Variants in JSRP1 observed in about 807,000 individuals in gnomAD.
JSRP1 encodes the protein junctional sarcoplasmic reticulum protein 1.
In JSRP1, 29 loss-of-function variants were observed where a neutral mutation model predicts 21.4. The ratio of observed to expected loss-of-function variants is 1.36; its 90% confidence interval spans 1.01 to 1.85. JSRP1 has a LOEUF of 1.85. Ranked by LOEUF, JSRP1 falls within the 40% of genes most tolerant of loss-of-function variation. The pLI, the probability that JSRP1 is intolerant of heterozygous loss-of-function variation, is 0.00. For synonymous variants in JSRP1, 221 were observed against 206.1 expected (o/e 1.07, Z -0.62); for missense variants, 531 against 461.5 (o/e 1.15, Z -1.38).
chr19:2,254,368 C>T (rs2025117496), intron 3 of JSRP1, 67 bp from the exon 4 acceptor site: 4 of 1,604,568 alleles, frequency 2.5e-6, no homozygotes, highest in African/African-American at 1.3e-5. Flanking sequence ...GGGCTTTAGA[C>T]ACCTGCCTCC....
chr19:2,253,918 C>T (rs1568397407), intron 4 of JSRP1, 125 bp from the exon 5 acceptor site: 2 of 1,149,202 alleles, frequency 1.7e-6, no homozygotes, highest in African/African-American at 1.6e-5. Context: ...TGTGCGGCCC[C>T]GGGCGCAGGT....
chr19:2,255,368 C>G, intron 1 of JSRP1, 24 bp from the exon 2 acceptor site: 1 of 1,169,650 alleles, frequency 8.5e-7, no homozygotes, highest in South Asian at 1.4e-5. Flanking sequence ...GGAACAAGGT[C>G]TTGCATTTAC....
chr19:2,254,234 G>C lies in JSRP1; in HGVS notation c.215C>G (p.Ala72Gly). The change falls in exon 4 of 7, where the codon GCC (alanine) becomes GGC (glycine). Residue 72 changes from alanine (A) to glycine (G), a missense_variant. Physicochemically the swap from Ala to Gly is moderately conservative, Grantham distance 60. Transcript: ENST00000300961. ...CTTCCCCGTTCCTGGGGTCCCCCTGGCGGCAGGCTCTTTTTCCATCTTCTT... is the reference window on the plus strand; with the variant it reads ...CTTCCCCGTTCCTGGGGTCCCCCTGCCGGCAGGCTCTTTTTCCATCTTCTT... The part of the protein sequence containing the change: ...RPKKMEKEPA[A>G]RGTPGTGKER... 1 of 1,606,024 alleles carries C rather than the reference G, an allele frequency of 6.2e-7. No individual in the cohort carries two copies. The highest frequency in any genetic ancestry group is 8.5e-7 in the Non-Finnish European group (1 of 1,176,550).
At chr19:2,255,140 G>A in intron 2 of JSRP1, 66 bp downstream of exon 2, 1 of 1,086,444 alleles carries the variant, frequency 9.2e-7, no homozygotes, top group African/African-American at 1.6e-5. Context: ...AGTCTCTGAA[G>A]ATGGGCCTCC....
chr19:2,252,427 G>A lies in JSRP1; in HGVS notation c.898C>T (p.Pro300Ser). Residue 300 changes from proline to serine, a missense_variant, in exon 7 of 7, where the codon CCC becomes TCC. Pro to Ser is a moderately conservative substitution (Grantham distance 74, BLOSUM62 -1). Coordinates refer to ENST00000300961, the MANE Select transcript of JSRP1 (RefSeq NM_144616.4). ...GACACCCAGGCCTGCTTCTTCCTGG[G>A]CTCGGCGTCCCTGGAGTCCCGTGCC... ...PWARDSRDAE[P>S]RKKQAWVSPR... 6.2e-7 allele frequency: 1 copy of A among 1,609,604 alleles called. No homozygotes were observed. The highest frequency in any genetic ancestry group is 8.5e-7 in the Non-Finnish European group (1 of 1,179,354).
In JSRP1 at chr19:2,253,778, G is replaced by A. The variant is rs569666561; in HGVS notation, c.278C>T (p.Pro93Leu). 171 of 1,419,340 alleles carry A rather than the reference G, an allele frequency of 1.2e-4. No individual in the cohort carries two copies. The African/African-American group carries it at 1.9e-3, about 16-fold the overall frequency. 87.9% of individuals were successfully genotyped at this position (1,419,340 alleles called of 1,614,324 possible). The change falls in exon 5 of 7, where the codon CCC becomes CTC. Residue 93 changes from proline to leucine, a missense_variant. Coordinates refer to ENST00000300961, the MANE Select transcript of JSRP1 (RefSeq NM_144616.4). ...LKAGASPRSV[P>L]ARKKAQTAPP... ...CGCGGTCTGCGCCTTCTTGCGCGCG[G>A]GGACGCTCCGAGGGCCTGCGGGGGC...
chr19:2,253,164 C>T (rs983632201), intron 5 of JSRP1, among the ~76,000 whole-genome samples, 161 bp from the exon 6 acceptor site: 6 of 152,320 alleles, frequency 3.9e-5, no homozygotes, highest in African/African-American at 1.4e-4. Flanking sequence ...GAAGGGACTC[C>T]GGGACTCCGC....
chr19:2,252,667 C>G lies in JSRP1; in HGVS notation c.658G>C (p.Gly220Arg). ...ACACGGTCCTCCCGGACGGCCTCTC[C>G]GGTGGCCTCGCCGGGCTCCTCTTCG... ...NDEEEPGEAT[G>R]EAVREDRVTL... Residue 220 changes from glycine to arginine, a missense_variant, in exon 7 of 7, where the codon GGA becomes CGA. By Grantham distance (125) the Gly-to-Arg change is moderately radical. Coordinates refer to ENST00000300961, the MANE Select transcript of JSRP1 (RefSeq NM_144616.4). 1.2e-6 allele frequency: 2 copies of G among 1,612,148 alleles called. No individual in the cohort carries two copies. Among genetic ancestry groups the G allele is most frequent in the Non-Finnish European group, 1.7e-6 (2 of 1,179,934 alleles).
intron 1 of JSRP1, 95 bp from the exon 2 acceptor site, chr19:2,255,439 C>T (rs993016639): frequency 3.5e-6 from 2 of 571,618 alleles, no homozygotes; most frequent in Non-Finnish European, 6.2e-6. Context: ...ACTAACAGGC[C>T]CCGTCCTCCC....
chr19:2,254,243 T>C lies in JSRP1; in HGVS notation c.206A>G (p.Glu69Gly), dbSNP rs2025114490. The change falls in exon 4 of 7, where the codon GAG becomes GGG. Residue 69 changes from glutamate to glycine, a missense_variant. Transcript: ENST00000300961. ...VDTRPKKMEK[E>G]PAARGTPGTG... is the part of the protein sequence containing the mutation. ...TCCTGGGGTCCCCCTGGCGGCAGGC[T>C]CTTTTTCCATCTTCTTGGGCCTGGT... The C allele has an allele frequency of 2.5e-6, 4 of 1,605,596 alleles. No homozygotes were observed. Among genetic ancestry groups the C allele is most frequent in the Non-Finnish European group, 3.4e-6 (4 of 1,176,346 alleles).
chr19:2,256,338 C>T (rs957281637), intron 1 of JSRP1, 45 bp downstream of exon 1: 3 of 152,490 alleles, frequency 2.0e-5, no homozygotes, highest in African/African-American at 4.8e-5. Context: ...CACCTCTGCC[C>T]GGGATTCCCC....
At chr19:2,253,026 C>G in intron 5 of JSRP1, 23 bp from the exon 6 acceptor site, 1 of 1,557,536 alleles carries the variant, frequency 6.4e-7, no homozygotes, top group Non-Finnish European at 8.8e-7. Flanking sequence ...GGTCGGGACC[C>G]GAGTCAGCTG....
rs771969575 is a variant in JSRP1 at position 2,255,204 on chromosome 19, A to G, written c.109+2T>C. ...TTCCTCCCGCCAGCGCCACAAGGGT[A>G]CCTGAAGCCCTGTCCTCCTGGGTCT... On this transcript the variant is annotated splice_donor_variant, in intron 2 of 6. Transcript: ENST00000300961. LOFTEE classifies it high-confidence loss of function. 1.3e-6 allele frequency: 2 copies of G among 1,585,420 alleles called. No individual in the cohort carries two copies. Among genetic ancestry groups the G allele is most frequent in the South Asian group, 2.2e-5 (2 of 89,558 alleles).
intron 1 of JSRP1, among the ~76,000 whole-genome samples, 180 bp from the exon 2 acceptor site, chr19:2,255,524 C>T (rs1322457051): frequency 2.6e-5 from 4 of 152,226 alleles, no homozygotes; most frequent in Admixed American, 6.5e-5. Flanking sequence ...TCTCTGACCC[C>T]GCATGCCTGC....
intron 5 of JSRP1, 35 bp downstream of exon 5, chr19:2,253,585 C>T: frequency 7.1e-7 from 1 of 1,415,236 alleles, no homozygotes; most frequent in Non-Finnish European, 9.2e-7. Context: ...AGGTGGACCC[C>T]AGCCTCGCCC....
At position 2,252,465 on chromosome 19, in the gene JSRP1, C is replaced by A. The variant is rs778040810; in HGVS notation, c.860G>T (p.Gly287Val). The change falls in exon 7 of 7, where the codon GGC (glycine) becomes GTC (valine). Residue 287 changes from glycine to valine, a missense_variant. By Grantham distance (109) the Gly-to-Val change is moderately radical (BLOSUM62 -3). Coordinates refer to ENST00000300961, the MANE Select transcript of JSRP1 (RefSeq NM_144616.4). Reference sequence around the variant, plus strand: ...GGAGTCCCGTGCCCACGGCCGGTGGCCCCCTTCGCGTGACTCCCAGCGCTG... The same window carrying A: ...GGAGTCCCGTGCCCACGGCCGGTGGACCCCTTCGCGTGACTCCCAGCGCTG... Reference protein sequence around the residue: ...LPQRWESREGGHRPWARDSRD... With the variant: ...LPQRWESREGVHRPWARDSRD... 2 of 1,611,726 alleles carry A rather than the reference C, an allele frequency of 1.2e-6. No homozygotes were observed. The highest frequency in any genetic ancestry group is 1.7e-6 in the Non-Finnish European group (2 of 1,179,752).
At chr19:2,255,112 G>T in intron 2 of JSRP1, 94 bp downstream of exon 2, 1 of 774,624 alleles carries the variant, frequency 1.3e-6, no homozygotes, top group Non-Finnish European at 2.1e-6. Flanking sequence ...AGTCCAGTGT[G>T]GGAGGCTAAG....
At chr19:2,253,150 G>C in intron 5 of JSRP1, 147 bp from the exon 6 acceptor site, 1 of 588,984 alleles carries the variant, frequency 1.7e-6, no homozygotes, top group South Asian at 2.4e-5. Flanking sequence ...CCCCCGAGCC[G>C]TGGGAAGGGA....
chr19:2,253,705 C>G lies in JSRP1; in HGVS notation c.351G>C (p.Leu117=). 1 of 1,503,348 alleles carries G rather than the reference C, an allele frequency of 6.7e-7. No homozygotes were observed. The highest frequency in any genetic ancestry group is 1.2e-5 in the South Asian group (1 of 80,466). The allele number at this position is 1,503,348 out of a possible 1,614,324, so 93.1% of individuals were successfully genotyped here. A position where few individuals can be genotyped will look rare whatever the true frequency, so the allele number is the denominator to read the frequency against. Residue 117 remains leucine, a synonymous_variant, in exon 5 of 7, where the codon CTG becomes CTC. Transcript: ENST00000300961. ...PPPPPALSEE[L]PWGDLSLNKC... ...TGTTGAGCGACAGGTCTCCCCAGGGCAGCTCCTCGCTCAGGGCCGGGGGCG... is the reference window on the plus strand; with the variant it reads ...TGTTGAGCGACAGGTCTCCCCAGGGGAGCTCCTCGCTCAGGGCCGGGGGCG...
Sources: gnomAD v4.1 joint callset for allele counts (sites outside exome capture counted in the v4.1 genomes callset) on GRCh38, gnomAD v4.1.1 for gene constraint, MANE v1.5 for transcripts, NCBI Gene and HGNC (gene_info 2026-07-23, HGNC 2026-07-21) for gene names.